The following WWOX variants were observed in gnomAD, a reference collection of about 807,000 sequenced individuals.
WWOX encodes WW domain containing oxidoreductase, also known as WW domain-containing oxidoreductase.
A neutral mutation model predicts 46.2 loss-of-function variants in WWOX; 69 were observed. The ratio of observed to expected loss-of-function variants is 1.49; its 90% confidence interval spans 1.23 to 1.82. The LOEUF (loss-of-function observed/expected upper bound fraction) is 1.82, where lower values mean the gene tolerates loss of function less well. Ranked by LOEUF, WWOX falls within the 40% of genes most tolerant of loss-of-function variation. The probability of loss-of-function intolerance (pLI) is 0.00; values close to 1 mark genes in which losing one functional copy is unlikely to be tolerated. For synonymous variants in WWOX, 359 were observed against 202.6 expected, an observed-to-expected ratio of 1.77 and a Z score of -6.56; for missense variants, 919 against 542.6, an observed-to-expected ratio of 1.69 and a Z score of -6.89.
At chr16:78,523,143 T>C (rs1439080144) in intron 8 of WWOX, among the ~76,000 whole-genome samples, 1 of 152,204 alleles carries the variant, frequency 6.6e-6, no homozygotes, top group Non-Finnish European at 1.5e-5. Flanking sequence ...TAAATCCTTC[T>C]TTGAGCAGTG....
At chr16:79,007,125 C>G (rs1195889883) in intron 8 of WWOX, among the ~76,000 whole-genome samples, 1 of 152,152 alleles carries the variant, frequency 6.6e-6, no homozygotes, top group African/African-American at 2.4e-5. Flanking sequence ...GCAAATGACA[C>G]AGACAAGATC....
At chr16:78,228,120 C>T (rs1567441704) in intron 5 of WWOX, among the ~76,000 whole-genome samples, 1 of 152,056 alleles carries the variant, frequency 6.6e-6, no homozygotes. Flanking sequence ...ATGTCTCTTT[C>T]CTCCCCTGGG....
chr16:78,765,776 C>G (rs2049912283), intron 8 of WWOX, among the ~76,000 whole-genome samples: 1 of 152,124 alleles, frequency 6.6e-6, no homozygotes, highest in Admixed American at 6.5e-5. Flanking sequence ...AAAACAGAGG[C>G]AAAAATCACA....
chr16:78,839,113 TAC>T (rs1404987586), intron 8 of WWOX, among the ~76,000 whole-genome samples: 3 of 152,178 alleles, frequency 2.0e-5, no homozygotes, highest in East Asian at 3.9e-4. Flanking sequence ...CATGTGAATC[TAC>T]ACTTATCTCA....
intron 8 of WWOX, among the ~76,000 whole-genome samples, chr16:78,541,453 G>A (rs1447492141): frequency 8.6e-5 from 11 of 127,608 alleles, no homozygotes; most frequent in African/African-American, 3.2e-4. Context: ...CAGCCTGGGC[G>A]ACAGAGCGAG....
chr16:78,309,526 C>T (rs2151873355), intron 5 of WWOX, among the ~76,000 whole-genome samples: 1 of 152,258 alleles, frequency 6.6e-6, no homozygotes, highest in South Asian at 2.1e-4. Flanking sequence ...CCAATGTACT[C>T]CTTACATATA....
At chr16:78,779,632 C>T (rs939929871) in intron 8 of WWOX, among the ~76,000 whole-genome samples, 4 of 152,154 alleles carry the variant, frequency 2.6e-5, no homozygotes, top group African/African-American at 9.7e-5. Flanking sequence ...AATTGAAGCT[C>T]AGGGAATCGT....
chr16:78,528,448 G>A (rs1312803775), intron 8 of WWOX, among the ~76,000 whole-genome samples: 10 of 152,022 alleles, frequency 6.6e-5, no homozygotes, highest in Non-Finnish European at 1.2e-4. Context: ...GTGCTAATTA[G>A]GGTGTTTTGT....
intron 8 of WWOX, among the ~76,000 whole-genome samples, chr16:78,700,224 T>C (rs1006349372): frequency 7.3e-5 from 11 of 151,078 alleles, no homozygotes; most frequent in Admixed American, 2.0e-4. Flanking sequence ...AAGTCAGATG[T>C]CAGGGCACCA....
At chr16:79,015,008 G>A (rs1029479456) in intron 8 of WWOX, among the ~76,000 whole-genome samples, 1 of 152,146 alleles carries the variant, frequency 6.6e-6, no homozygotes, top group Non-Finnish European at 1.5e-5. Context: ...AAGATGGAAA[G>A]GCAGAAATCC....
intron 8 of WWOX, among the ~76,000 whole-genome samples, chr16:78,857,457 T>C (rs2052593162): frequency 6.6e-6 from 1 of 152,206 alleles, no homozygotes; most frequent in Admixed American, 6.5e-5. Context: ...ATGCATGATG[T>C]AATTCACAGC....
chr16:78,585,573 G>C, intron 8 of WWOX, among the ~76,000 whole-genome samples: 1 of 152,006 alleles, frequency 6.6e-6, no homozygotes, highest in Non-Finnish European at 1.5e-5. Context: ...CCTTATAGTG[G>C]CTCCACCAGG....
At chr16:78,673,725 A>C (rs1289419812) in intron 8 of WWOX, among the ~76,000 whole-genome samples, 2 of 152,350 alleles carry the variant, frequency 1.3e-5, no homozygotes, top group South Asian at 4.1e-4. Flanking sequence ...TTTTATGTAA[A>C]TCAGTTATTA....
chr16:78,316,693 C>G (rs1597474413), intron 5 of WWOX, among the ~76,000 whole-genome samples: 2 of 152,236 alleles, frequency 1.3e-5, no homozygotes, highest in South Asian at 2.1e-4. Flanking sequence ...TCTGTATTGT[C>G]TTTTCTGCTG....
intron 8 of WWOX, among the ~76,000 whole-genome samples, chr16:78,989,063 C>T (rs2046834797): frequency 6.6e-6 from 1 of 152,140 alleles, no homozygotes; most frequent in Non-Finnish European, 1.5e-5. Flanking sequence ...AGCCATTTAA[C>T]TTGTAGAGCT....
In WWOX at chr16:78,979,283, G is replaced by T. The variant is rs77144854; in HGVS notation, c.1057-232325G>T. On this transcript the variant is annotated intron_variant, in intron 8 of 8. Transcript: ENST00000566780. ...TTCCCACCTCCCAGAGATAACGCCT[G>T]TGTTTTAGTTCATCTCCTTCTAACC... 4.9e-3 allele frequency among the ~76,000 whole-genome samples: 741 copies of T among 152,164 alleles called. 9 individuals carry two copies. The highest frequency in any genetic ancestry group is 0.017 in the African/African-American group (693 of 41,512).
intron 8 of WWOX, among the ~76,000 whole-genome samples, chr16:78,796,707 C>T (rs569990552): frequency 6.6e-6 from 1 of 152,162 alleles, no homozygotes; most frequent in African/African-American, 2.4e-5. Context: ...TAGAAAGGGC[C>T]CTGCCTGGGC....
intron 8 of WWOX, chr16:78,873,529 G>A (rs1220485994): frequency 6.6e-6 from 1 of 152,230 alleles, no homozygotes; most frequent in African/African-American, 2.4e-5. Context: ...CTTATACCTT[G>A]TAATCCCAGC....
intron 5 of WWOX, among the ~76,000 whole-genome samples, chr16:78,183,776 G>C (rs771342177): frequency 1.3e-5 from 2 of 152,100 alleles, no homozygotes; most frequent in African/African-American, 2.4e-5. Context: ...TTGTGCCCAC[G>C]AGGGACTGGC....
Sources: allele counts gnomAD v4.1 joint callset (sites outside exome capture counted in the v4.1 genomes callset), GRCh38; gene constraint gnomAD v4.1.1; transcripts MANE v1.5; gene names NCBI Gene and HGNC (gene_info 2026-07-23, HGNC 2026-07-21).